GNB5: variants seen among roughly 807,000 people sequenced by gnomAD.
GNB5 encodes G protein subunit beta 5, also known as guanine nucleotide-binding protein subunit beta-5.
A neutral mutation model predicts 55.3 loss-of-function variants in GNB5; 37 were observed. That is an observed-to-expected ratio of 0.67 (90% CI 0.51 to 0.88). The LOEUF is 0.88. Among genes scored for constraint, GNB5 ranks in the 40% least tolerant of loss-of-function variants. The pLI is 0.00. For synonymous variants in GNB5, 219 were observed against 198.5 expected (o/e 1.10, Z -0.87); for missense variants, 476 against 515.3 (o/e 0.92, Z 0.74).
At chr15:52,189,833 GATTT>G (rs1479629300) in intron 1 of GNB5, among the ~76,000 whole-genome samples, 1 of 152,164 alleles carries the variant, frequency 6.6e-6, no homozygotes, top group Non-Finnish European at 1.5e-5. Flanking sequence ...CATATTGTAT[GATTT>G]ATTTATATGA....
intron 7 of GNB5, 35 bp from the exon 8 acceptor site, chr15:52,135,791 T>C (rs1387800306): frequency 1.2e-6 from 2 of 1,605,950 alleles, no homozygotes; most frequent in African/African-American, 1.3e-5. Flanking sequence ...TGGGTGGTTG[T>C]GGTTATTGCT....
intron 1 of GNB5, among the ~76,000 whole-genome samples, chr15:52,189,587 A>C (rs1000593852): frequency 2.6e-5 from 4 of 152,196 alleles, no homozygotes. Flanking sequence ...CTCAGAACAA[A>C]AAAAAAGAAA....
chr15:52,152,480 T>C (rs2034118847), intron 4 of GNB5, among the ~76,000 whole-genome samples: 1 of 151,990 alleles, frequency 6.6e-6, no homozygotes, highest in South Asian at 2.1e-4. Flanking sequence ...CCCACCACCA[T>C]GCCCAGCTAA....
At chr15:52,169,347 G>T (rs1259100539) in intron 3 of GNB5, among the ~76,000 whole-genome samples, 1 of 151,152 alleles carries the variant, frequency 6.6e-6, no homozygotes, top group Non-Finnish European at 1.5e-5. Flanking sequence ...AACCAGCCTG[G>T]CCAACATGGT....
chr15:52,146,761 G>A (rs1353685335), intron 6 of GNB5, among the ~76,000 whole-genome samples: 4 of 104,584 alleles, frequency 3.8e-5, no homozygotes, highest in Non-Finnish European at 5.7e-5. Context: ...TTTTTTTTCT[G>A]TAGAGACAAG....
chr15:52,119,443 G>A lies in GNB5; in HGVS notation c.*3314C>T, dbSNP rs1284799426. ...GGGAGGGAGGAGGAGGAGATGGGAGGGAGGGAGGAGGAGATGGGAGGGAGG... is the reference window on the plus strand; with the variant it reads ...GGGAGGGAGGAGGAGGAGATGGGAGAGAGGGAGGAGGAGATGGGAGGGAGG... On this transcript the variant is annotated 3_prime_UTR_variant, in exon 13 of 13. Transcript: ENST00000261837. 2.5e-5 allele frequency: 2 copies of A among 79,600 alleles called. No homozygotes were observed. Among genetic ancestry groups the A allele is most frequent in the Non-Finnish European group, 4.9e-5 (2 of 40,938 alleles). The allele number at this position is 79,600 out of a possible 1,614,324, so 4.9% of individuals were successfully genotyped here.
intron 6 of GNB5, among the ~76,000 whole-genome samples, chr15:52,146,117 C>T (rs944093788): frequency 7.2e-5 from 11 of 151,888 alleles, no homozygotes; most frequent in South Asian, 4.2e-4. Flanking sequence ...CCACCGTGCC[C>T]GGCTAATTTT....
In GNB5 at chr15:52,119,730, G is replaced by C. The variant is rs954652200; in HGVS notation, c.*3027C>G. The C allele has an allele frequency of 3.9e-5, 6 of 152,218 alleles. No homozygotes were observed. In the Middle Eastern group the frequency reaches 0.014, roughly 345 times the overall value. 9.4% of individuals were successfully genotyped at this position (152,218 alleles called of 1,614,324 possible). On this transcript the variant is annotated 3_prime_UTR_variant, in exon 13 of 13. Coordinates refer to ENST00000261837, the MANE Select transcript of GNB5 (RefSeq NM_016194.4). The stretch of plus-strand genomic sequence containing the variant: ...AGATATTATCATATATTCTGTGACC[G>C]TGACAGAGGTGGGTGTGAATGAAGG...
At chr15:52,135,852 AACACACAC>A (rs57732678) in intron 7 of GNB5, 96 bp from the exon 8 acceptor site, 498 of 552,354 alleles carry the variant, frequency 9.0e-4, no homozygotes, top group Non-Finnish European at 1.1e-3. Context: ...GGAAAAGCAG[AACACACAC>A]ACACACACAC....
chr15:52,184,646 A>C lies in GNB5; in HGVS notation c.31T>G (p.Phe11Val). 6.2e-7 allele frequency: 1 copy of C among 1,613,874 alleles called. No homozygotes were observed. The highest frequency in any genetic ancestry group is 1.1e-5 in the South Asian group (1 of 91,076). Residue 11 changes from phenylalanine (F) to valine (V), a missense_variant, in exon 2 of 13, where the codon TTT becomes GTT. Transcript: ENST00000261837. ...TTGAAACATTTGTCACATGAGCCAA[A>C]TACATTAACGAGAAAGGTCTGATCA... The part of the protein sequence containing the change: MCDQTFLVNV[F>V]GSCDKCFKQR...
At position 52,118,435 on chromosome 15, in the gene GNB5, A is replaced by C. The variant is rs1386560682; in HGVS notation, c.*4322T>G. 6.6e-6 allele frequency: 1 copy of C among 152,134 alleles called. No individual in the cohort carries two copies. The highest frequency in any genetic ancestry group is 1.5e-5 in the Non-Finnish European group (1 of 68,030). 9.4% of individuals were successfully genotyped at this position (152,134 alleles called of 1,614,324 possible). On this transcript the variant is annotated 3_prime_UTR_variant, in exon 13 of 13. Coordinates refer to ENST00000261837, the MANE Select transcript of GNB5 (RefSeq NM_016194.4). ...TTCCAGAGACTACTGGCATGGGAGAAAGATCACCTTGATGGCTAATGGAAC... is the reference window on the plus strand; with the variant it reads ...TTCCAGAGACTACTGGCATGGGAGACAGATCACCTTGATGGCTAATGGAAC...
At chr15:52,189,650 C>A (rs1441756803) in intron 1 of GNB5, among the ~76,000 whole-genome samples, 1 of 152,056 alleles carries the variant, frequency 6.6e-6, no homozygotes, top group Non-Finnish European at 1.5e-5. Flanking sequence ...GCATTATTAG[C>A]CAAAAGTGAA....
intron 3 of GNB5, among the ~76,000 whole-genome samples, chr15:52,176,905 C>A (rs1388666762): frequency 6.6e-6 from 1 of 152,164 alleles, no homozygotes; most frequent in Admixed American, 6.5e-5. Context: ...GAGCTCCCAG[C>A]ATAACCTGCA....
intron 10 of GNB5, among the ~76,000 whole-genome samples, chr15:52,126,626 G>A (rs375621148): frequency 6.6e-6 from 1 of 152,056 alleles, no homozygotes; most frequent in South Asian, 2.1e-4. Context: ...TTTTGGTTGT[G>A]TTTAATTTTT....
At chr15:52,172,551 A>G (rs1403390920) in intron 3 of GNB5, among the ~76,000 whole-genome samples, 3 of 151,500 alleles carry the variant, frequency 2.0e-5, no homozygotes, top group African/African-American at 7.3e-5. Flanking sequence ...AGGCAGAGGT[A>G]GGTGGATCGC....
intron 3 of GNB5, among the ~76,000 whole-genome samples, chr15:52,175,930 T>C (rs2034641295): frequency 6.6e-6 from 1 of 151,910 alleles, no homozygotes; most frequent in East Asian, 1.9e-4. Flanking sequence ...GTGCCTGTAA[T>C]CCCAGCTACT....
At chr15:52,135,475 T>G in intron 8 of GNB5, 138 bp downstream of exon 8, 1 of 766,894 alleles carries the variant, frequency 1.3e-6, no homozygotes, top group Non-Finnish European at 2.1e-6. Flanking sequence ...AGCTGGGGGT[T>G]TAGTGGGGAG....
intron 3 of GNB5, among the ~76,000 whole-genome samples, chr15:52,164,200 C>T (rs1226044348): frequency 3.3e-5 from 5 of 150,350 alleles, no homozygotes; most frequent in Admixed American, 6.6e-5. Context: ...CCCAGCTACT[C>T]GGGGGGCTGA....
rs1483962689 is a variant in GNB5 at position 52,119,537 on chromosome 15, G to C, written c.*3220C>G. ...GAAGGGAAGAGAAAGAGGGAAGATA[G>C]GTGGAGGGAGAAGGGAGGGGGGCAA... On this transcript the variant is annotated 3_prime_UTR_variant, in exon 13 of 13. Coordinates refer to ENST00000261837, the MANE Select transcript of GNB5 (RefSeq NM_016194.4). 1 of 144,160 alleles carries C rather than the reference G, an allele frequency of 6.9e-6. No individual in the cohort carries two copies. The highest frequency in any genetic ancestry group is 1.5e-5 in the Non-Finnish European group (1 of 65,488). The allele number at this position is 144,160 out of a possible 1,614,324, so 8.9% of individuals were successfully genotyped here.
Sources: allele counts gnomAD v4.1 joint callset (sites outside exome capture counted in the v4.1 genomes callset), GRCh38; gene constraint gnomAD v4.1.1; transcripts MANE v1.5; gene names NCBI Gene and HGNC (gene_info 2026-07-23, HGNC 2026-07-21).